RHBDD1: variants seen among roughly 807,000 people sequenced by gnomAD.
RHBDD1 encodes rhomboid-related protein 4.
RHBDD1 carries 38 observed loss-of-function variants against 36.3 expected under a neutral mutation model. That is an observed-to-expected ratio of 1.05 (90% CI 0.81 to 1.37). RHBDD1 has a LOEUF of 1.37. Among genes scored for constraint, RHBDD1 ranks in the 40% most tolerant of loss-of-function variants. RHBDD1 has a pLI of 0.00. For missense variants in RHBDD1, 393 were observed against 377.6 expected (o/e 1.04, Z -0.34); for synonymous variants, 151 against 136.5 (o/e 1.11, Z -0.74).
chr2:226,860,499 T>C (rs1242096148), intron 3 of RHBDD1, among the ~76,000 whole-genome samples: 1 of 152,178 alleles, frequency 6.6e-6, no homozygotes, highest in Non-Finnish European at 1.5e-5. Context: ...TGCTCACTTA[T>C]TGTGATCTGT....
chr2:226,805,584 TACA>T, the RHBDD1 span, among the ~76,000 whole-genome samples: 2 of 152,246 alleles, frequency 1.3e-5, no homozygotes, highest in East Asian at 3.8e-4. Flanking sequence ...TTGCAGACTT[TACA>T]ACACCTTTTG....
At chr2:226,977,816 T>C (rs533108706) in intron 8 of RHBDD1, among the ~76,000 whole-genome samples, 2 of 152,250 alleles carry the variant, frequency 1.3e-5, no homozygotes, top group Non-Finnish European at 2.9e-5. Flanking sequence ...CTAAGTCTTG[T>C]CTTTGGAATG....
chr2:226,851,273 G>T lies in RHBDD1; in HGVS notation c.-91+11646G>T, dbSNP rs1175474774. ...CTCCATCTATGTCTCTGCATTTGGG[G>T]TATGTGTGGGTTCTAAACACATACC... On this transcript the variant is annotated intron_variant, in intron 3 of 8. Coordinates refer to ENST00000392062, the MANE Select transcript of RHBDD1 (RefSeq NM_001167608.3). Among the ~76,000 whole-genome samples, 5 of 151,822 alleles carry T rather than the reference G, an allele frequency of 3.3e-5. No homozygotes were observed. The East Asian group carries it at 9.7e-4, about 30-fold the overall frequency.
chr2:226,824,633 T>C, the RHBDD1 span, among the ~76,000 whole-genome samples: 1 of 152,246 alleles, frequency 6.6e-6, no homozygotes, highest in Non-Finnish European at 1.5e-5. Flanking sequence ...CCAAGCCCTA[T>C]GGTAGTAATT....
intron 8 of RHBDD1, among the ~76,000 whole-genome samples, chr2:226,952,670 A>G (rs1166010156): frequency 2.0e-5 from 3 of 152,180 alleles, no homozygotes; most frequent in African/African-American, 7.2e-5. Flanking sequence ...ATAATTTTAA[A>G]AATATATAGA....
chr2:226,859,465 C>G (rs752695383), intron 3 of RHBDD1, among the ~76,000 whole-genome samples: 38 of 152,160 alleles, frequency 2.5e-4, no homozygotes, highest in Non-Finnish European at 5.1e-4. Flanking sequence ...GGGACTTGAG[C>G]ATCCATCGAT....
chr2:226,807,679 A>G, the RHBDD1 span: 2 of 152,350 alleles, frequency 1.3e-5, no homozygotes, highest in East Asian at 3.8e-4. Flanking sequence ...AAGCACGCTT[A>G]GTGAAATAAC....
At chr2:226,885,239 T>C (rs1946109277) in intron 5 of RHBDD1, among the ~76,000 whole-genome samples, 1 of 152,152 alleles carries the variant, frequency 6.6e-6, no homozygotes, top group Admixed American at 6.5e-5. Context: ...GGCTGTACAT[T>C]GGTATAAACA....
intron 8 of RHBDD1, among the ~76,000 whole-genome samples, chr2:226,950,954 A>G (rs1201386726): frequency 6.6e-6 from 1 of 152,172 alleles, no homozygotes; most frequent in Non-Finnish European, 1.5e-5. Context: ...TTTGTGGTGC[A>G]GAAGCTTTTT....
At chr2:226,974,976 G>C (rs921682906) in intron 8 of RHBDD1, among the ~76,000 whole-genome samples, 1 of 152,206 alleles carries the variant, frequency 6.6e-6, no homozygotes, top group Non-Finnish European at 1.5e-5. Context: ...CCACTGCTCT[G>C]ATGGCCACAC....
chr2:226,969,727 C>T (rs1953081634), intron 8 of RHBDD1, among the ~76,000 whole-genome samples: 1 of 152,202 alleles, frequency 6.6e-6, no homozygotes, highest in Admixed American at 6.5e-5. Context: ...GTTCCTGAGT[C>T]ACTTATGCCT....
chr2:226,850,234 A>G (rs2125070755), intron 3 of RHBDD1, among the ~76,000 whole-genome samples: 1 of 152,320 alleles, frequency 6.6e-6, no homozygotes, highest in Non-Finnish European at 1.5e-5. Context: ...GCTTGATGCT[A>G]GTCAGCCATC....
the RHBDD1 span, among the ~76,000 whole-genome samples, chr2:226,828,813 T>C: frequency 6.6e-6 from 1 of 152,214 alleles, no homozygotes; most frequent in South Asian, 2.1e-4. Flanking sequence ...CTCTATTAGA[T>C]ACAATATTTG....
chr2:226,899,366 G>T (rs1478911942), intron 5 of RHBDD1, among the ~76,000 whole-genome samples: 1 of 151,702 alleles, frequency 6.6e-6, no homozygotes, highest in East Asian at 1.9e-4. Flanking sequence ...ACATTGATTT[G>T]ATTGTAACCC....
At chr2:226,819,982 T>A in the RHBDD1 span, among the ~76,000 whole-genome samples, 1 of 112,934 alleles carries the variant, frequency 8.9e-6, no homozygotes, top group East Asian at 2.7e-4. Flanking sequence ...TGTGTGTTTT[T>A]TTTTTTTTTT....
intron 3 of RHBDD1, among the ~76,000 whole-genome samples, chr2:226,845,476 T>C (rs1165254207): frequency 2.0e-5 from 3 of 152,248 alleles, no homozygotes; most frequent in African/African-American, 7.2e-5. Context: ...TTAACTGCTG[T>C]CCTATGCTGC....
intron 6 of RHBDD1, among the ~76,000 whole-genome samples, chr2:226,907,612 T>C (rs532735237): frequency 1.6e-4 from 25 of 152,054 alleles, no homozygotes; most frequent in South Asian, 1.4e-3. Context: ...TCTTGAACCA[T>C]AAATAATTTG....
rs116460204 is a variant in RHBDD1 at position 226,884,746 on chromosome 2, C to A, written c.566+17428C>A. On this transcript the variant is annotated intron_variant, in intron 5 of 8. Transcript: ENST00000392062. ...TAATTTTTTAACCATTTGGAAGAAA[C>A]TAAAGTTAGAGCTTTGCCTCACTAG... Among the ~76,000 whole-genome samples, 402 of 152,152 alleles carry A rather than the reference C, an allele frequency of 2.6e-3. 1 individual carries two copies. Among genetic ancestry groups the A allele is most frequent in the African/African-American group, 8.6e-3 (357 of 41,526 alleles).
intron 6 of RHBDD1, 119 bp downstream of exon 6, chr2:226,907,000 G>GT: frequency 1.9e-6 from 2 of 1,030,996 alleles, no homozygotes; most frequent in Non-Finnish European, 1.5e-6. Context: ...TAATATGCCT[G>GT]TTTTTCTTTT....
Sources: allele counts gnomAD v4.1 joint callset (sites outside exome capture counted in the v4.1 genomes callset), GRCh38; gene constraint gnomAD v4.1.1; transcripts MANE v1.5; gene names NCBI Gene and HGNC (gene_info 2026-07-23, HGNC 2026-07-21).